Variants in DIS3L2 observed in about 807,000 individuals in gnomAD.
DIS3L2 encodes the protein DIS3-like exonuclease 2.
A neutral mutation model predicts 97.5 loss-of-function variants in DIS3L2; 34 were observed. The ratio of observed to expected loss-of-function variants is 0.35; its 90% CI spans 0.27 to 0.46. DIS3L2 has a LOEUF of 0.46. Ranked by LOEUF, DIS3L2 falls within the 20% of genes least tolerant of loss-of-function variation. The probability of loss-of-function intolerance (pLI) is 1.00; values close to 1 mark genes in which losing one functional copy is unlikely to be tolerated. For missense variants in DIS3L2, 1,038 were observed against 1,146.0 expected, an observed-to-expected ratio of 0.91 and a Z score of 1.36; for synonymous variants, 435 against 445.2, an observed-to-expected ratio of 0.98 and a Z score of 0.29.
At chr2:232,098,224 A>G (rs1002135071) in intron 6 of DIS3L2, among the ~76,000 whole-genome samples, 11 of 152,186 alleles carry the variant, frequency 7.2e-5, no homozygotes, top group Admixed American at 5.9e-4. Context: ...AGGCGGAGGA[A>G]CAATTCTTTT....
intron 6 of DIS3L2, among the ~76,000 whole-genome samples, chr2:232,092,703 T>C (rs1051560593): frequency 6.6e-6 from 1 of 152,224 alleles, no homozygotes; most frequent in Non-Finnish European, 1.5e-5. Context: ...GATTGTTTGC[T>C]GTTAGCATAT....
chr2:232,088,182 C>T (rs547880695), intron 6 of DIS3L2, among the ~76,000 whole-genome samples: 2 of 151,986 alleles, frequency 1.3e-5, no homozygotes, highest in East Asian at 1.9e-4. Context: ...GGGCGGATCA[C>T]GAGGTCAGGA....
At chr2:232,329,788 C>CGGGGGGGGGG in intron 14 of DIS3L2, 25 bp from the exon 15 acceptor site, 8 of 1,080,624 alleles carry the variant, frequency 7.4e-6, no homozygotes, top group Non-Finnish European at 8.9e-6. Flanking sequence ...CCAGCGGTCC[C>CGGGGGGGGGG]TCCCATCCCA....
intron 8 of DIS3L2, among the ~76,000 whole-genome samples, chr2:232,139,899 G>A (rs1253584464): frequency 6.6e-6 from 1 of 152,106 alleles, no homozygotes; most frequent in Non-Finnish European, 1.5e-5. Context: ...AGATTAAGAA[G>A]GTAAATTCTC....
At chr2:232,119,243 G>C (rs868080817) in intron 6 of DIS3L2, among the ~76,000 whole-genome samples, 14 of 152,302 alleles carry the variant, frequency 9.2e-5, no homozygotes, top group Admixed American at 3.3e-4. Context: ...TTTGAGGCTA[G>C]TCTCTACTTA....
At chr2:232,316,860 C>T (rs1695289703) in intron 14 of DIS3L2, among the ~76,000 whole-genome samples, 1 of 152,052 alleles carries the variant, frequency 6.6e-6, no homozygotes, top group Non-Finnish European at 1.5e-5. Flanking sequence ...GATCAGTTAG[C>T]TGGTCGCTAT....
At chr2:232,270,797 A>T (rs1693965660) in intron 13 of DIS3L2, among the ~76,000 whole-genome samples, 1 of 152,198 alleles carries the variant, frequency 6.6e-6, no homozygotes, top group Non-Finnish European at 1.5e-5. Flanking sequence ...TTAGATGGAA[A>T]CATCTGTCAG....
intron 13 of DIS3L2, among the ~76,000 whole-genome samples, chr2:232,278,485 A>G (rs923812488): frequency 1.2e-4 from 19 of 152,144 alleles, no homozygotes; most frequent in Non-Finnish European, 2.6e-4. Context: ...CCCTAGCCTC[A>G]GCCCCTGGCA....
chr2:232,185,052 C>T (rs1691398291), intron 9 of DIS3L2, among the ~76,000 whole-genome samples: 1 of 152,182 alleles, frequency 6.6e-6, no homozygotes, highest in South Asian at 2.1e-4. Context: ...TTAAATATGA[C>T]TCTGTCTCTC....
rs528268985 is a variant in DIS3L2 at position 232,218,510 on chromosome 2, G to A, written c.1204+8105G>A. Reference sequence around the variant, plus strand: ...CACCTGTAATCTTAGCACTTTGGGAGGCCGAGGTGGGAGGATCATTTGAGG... The same window carrying A: ...CACCTGTAATCTTAGCACTTTGGGAAGCCGAGGTGGGAGGATCATTTGAGG... On this transcript the variant is annotated intron_variant, in intron 10 of 20. Coordinates refer to ENST00000325385, the MANE Select transcript of DIS3L2 (RefSeq NM_152383.5). 4.5e-4 allele frequency among the ~76,000 whole-genome samples: 68 copies of A among 152,290 alleles called. No individual in the cohort carries two copies. In the South Asian group the frequency reaches 0.014, roughly 31 times the overall value.
intron 1 of DIS3L2, among the ~76,000 whole-genome samples, chr2:231,962,949 T>A (rs1467445858): frequency 7.1e-6 from 1 of 141,728 alleles, no homozygotes; most frequent in Non-Finnish European, 1.5e-5. Context: ...TATTCCATCC[T>A]GTACATCCAC....
At chr2:232,117,634 C>G (rs1229741553) in intron 6 of DIS3L2, among the ~76,000 whole-genome samples, 1 of 152,198 alleles carries the variant, frequency 6.6e-6, no homozygotes, top group Non-Finnish European at 1.5e-5. Flanking sequence ...GGGGCCTCTT[C>G]CCTGCCTCTC....
intron 8 of DIS3L2, among the ~76,000 whole-genome samples, chr2:232,147,985 C>T (rs1438484938): frequency 2.4e-4 from 28 of 118,100 alleles, no homozygotes; most frequent in African/African-American, 6.4e-5. Context: ...CCCTCCCCTC[C>T]GCTCCCCTCT....
At chr2:232,254,539 G>A (rs565834870) in intron 12 of DIS3L2, among the ~76,000 whole-genome samples, 4 of 151,966 alleles carry the variant, frequency 2.6e-5, no homozygotes, top group East Asian at 3.9e-4. Context: ...GCTTATTTTC[G>A]TGAAAGTTTA....
At chr2:232,337,976 AGGCCAC>A (rs1425757290), downstream of DIS3L2, among the ~76,000 whole-genome samples, 2 of 149,140 alleles carry the variant, frequency 1.3e-5, no homozygotes, top group Non-Finnish European at 3.0e-5. Flanking sequence ...GATGTCCCAG[AGGCCAC>A]GGTCACCCCA....
chr2:232,330,060 G>A (rs865901563), intron 15 of DIS3L2, 64 bp downstream of exon 15: 1 of 1,543,654 alleles, frequency 6.5e-7, no homozygotes, highest in Non-Finnish European at 8.8e-7. Context: ...GACCTGGAAG[G>A]TGGGGTGGTC....
At chr2:232,310,402 A>G (rs2106329924) in intron 14 of DIS3L2, among the ~76,000 whole-genome samples, 1 of 152,324 alleles carries the variant, frequency 6.6e-6, no homozygotes, top group East Asian at 1.9e-4. Flanking sequence ...GTTTGGCATC[A>G]GCATGATGCA....
chr2:232,164,815 G>T (rs1331614564), intron 9 of DIS3L2, among the ~76,000 whole-genome samples: 1 of 152,098 alleles, frequency 6.6e-6, no homozygotes, highest in African/African-American at 2.4e-5. Context: ...ACATGGGTGT[G>T]TTATCTCTTC....
chr2:232,338,156 G>A (rs756521363), downstream of DIS3L2, among the ~76,000 whole-genome samples: 35 of 151,966 alleles, frequency 2.3e-4, no homozygotes, highest in Non-Finnish European at 2.8e-4. Context: ...CAAACAGGAA[G>A]GACCAGGGCC....
Sources: allele counts gnomAD v4.1 joint callset (sites outside exome capture counted in the v4.1 genomes callset), GRCh38; gene constraint gnomAD v4.1.1; transcripts MANE v1.5; gene names NCBI Gene and HGNC (gene_info 2026-07-23, HGNC 2026-07-21).